Variants in AFTPH observed in about 807,000 individuals in gnomAD.
The protein encoded by AFTPH is aftiphilin.
A neutral mutation model predicts 72.5 loss-of-function variants in AFTPH; 7 were observed. The observed-to-expected ratio is 0.10, with a 90% CI of 0.05 to 0.18. The LOEUF is 0.18. AFTPH is among the 10% of genes least tolerant of loss of function. The pLI, the probability that AFTPH is intolerant of heterozygous loss-of-function variation, is 1.00. For synonymous variants in AFTPH, 337 were observed against 370.1 expected (o/e 0.91, Z 1.03); for missense variants, 979 against 1,060.5 (o/e 0.92, Z 1.07).
chr2:64,569,108 T>A, exon 4 of AFTPH: 1 of 1,614,086 alleles, frequency 6.2e-7, no homozygotes, highest in Non-Finnish European at 8.5e-7. Flanking sequence ...GCTAGATGTG[T>A]GGACTGAGCT....
In AFTPH at chr2:64,575,813, A is replaced by ACTGC. The variant is rs1482156142; in HGVS notation, c.2394+2746_2394+2749dup. On this transcript the variant is annotated intron_variant, in intron 6 of 8. Coordinates refer to ENST00000238856, the Ensembl canonical transcript of AFTPH. ...GAGTGCAGTGGCATGGTTTCAGCTC[A>ACTGC]CTGCAACCTCCACCTCCCGGGTTCA... Among the ~76,000 whole-genome samples the ACTGC allele has an allele frequency of 2.7e-5, 4 of 150,378 alleles. No homozygotes were observed. In the East Asian group the frequency reaches 8.0e-4, roughly 30 times the overall value.
chr2:64,550,728 C>CACACACACAA (rs1558605092), intron 1 of AFTPH, among the ~76,000 whole-genome samples: 2 of 141,888 alleles, frequency 1.4e-5, no homozygotes, highest in African/African-American at 2.7e-5. Flanking sequence ...CACACACACA[C>CACACACACAA]ACAACTGGTG....
intron 1 of AFTPH, among the ~76,000 whole-genome samples, chr2:64,526,091 G>T (rs1041400599): frequency 3.9e-5 from 6 of 152,144 alleles, no homozygotes; most frequent in African/African-American, 1.4e-4. Context: ...TTTAATGTTT[G>T]CTGATCTTTT....
intron 2 of AFTPH, among the ~76,000 whole-genome samples, chr2:64,561,880 T>C (rs2103998892): frequency 6.6e-6 from 1 of 152,328 alleles, no homozygotes; most frequent in East Asian, 1.9e-4. Flanking sequence ...ATGAAATCAT[T>C]TGCTTTAAGC....
chr2:64,550,963 G>C (rs1671009195), intron 1 of AFTPH, among the ~76,000 whole-genome samples: 2 of 152,070 alleles, frequency 1.3e-5, no homozygotes, highest in African/African-American at 4.8e-5. Flanking sequence ...ACATTGAAAA[G>C]CCAAGTGAAG....
chr2:64,536,003 G>A (rs1458782097), intron 1 of AFTPH, among the ~76,000 whole-genome samples: 1 of 152,228 alleles, frequency 6.6e-6, no homozygotes, highest in Non-Finnish European at 1.5e-5. Context: ...TTAATTTGTG[G>A]TAGAGGGGGA....
At chr2:64,577,611 C>CTGATCTAGAAG (rs1558628413) in intron 6 of AFTPH, among the ~76,000 whole-genome samples, 1 of 152,186 alleles carries the variant, frequency 6.6e-6, no homozygotes, top group East Asian at 1.9e-4. Context: ...AAAGGTGTCA[C>CTGATCTAGAAG]TGATCTAGAA....
intron 8 of AFTPH, among the ~76,000 whole-genome samples, chr2:64,587,942 TTC>T (rs72324777): frequency 0.03 from 4,590 of 152,290 alleles, 175 homozygotes; most frequent in East Asian, 0.11. Context: ...AGAAATTTTA[TTC>T]TTTTTTAGGC....
At chr2:64,530,362 T>C (rs7571448) in intron 1 of AFTPH, among the ~76,000 whole-genome samples, 62,637 of 152,008 alleles carry the variant, frequency 0.41, 13,126 homozygotes, top group African/African-American at 0.5. Flanking sequence ...CACCCAAAAA[T>C]GTCCCCTGGC....
intron 6 of AFTPH, 143 bp downstream of exon 6, chr2:64,573,211 T>A: frequency 1.5e-6 from 1 of 676,956 alleles, no homozygotes; most frequent in Non-Finnish European, 2.5e-6. Context: ...TTTGATTAAT[T>A]AACATCCCTT....
At chr2:64,525,783 C>G (rs1254349341) in intron 1 of AFTPH, among the ~76,000 whole-genome samples, 1 of 152,112 alleles carries the variant, frequency 6.6e-6, no homozygotes. Context: ...TAAATGTTGG[C>G]TTTTTTAGTA....
intron 2 of AFTPH, among the ~76,000 whole-genome samples, chr2:64,562,461 A>G (rs1049998938): frequency 9.2e-5 from 14 of 152,074 alleles, no homozygotes; most frequent in African/African-American, 3.4e-4. Context: ...TTAGAAATTG[A>G]ACTTAGAACT....
chr2:64,578,001 C>T (rs1445337598), intron 6 of AFTPH, among the ~76,000 whole-genome samples: 1 of 152,114 alleles, frequency 6.6e-6, no homozygotes. Context: ...TAAGAACACC[C>T]TTAATAGTCA....
chr2:64,587,570 C>A (rs6730999), intron 8 of AFTPH, among the ~76,000 whole-genome samples: 30,751 of 152,042 alleles, frequency 0.2, 4,427 homozygotes, highest in African/African-American at 0.41. Context: ...TTGGCTATTG[C>A]CAATAAGCAG....
At chr2:64,563,884 G>A (rs1205911029) in intron 2 of AFTPH, among the ~76,000 whole-genome samples, 14 of 152,182 alleles carry the variant, frequency 9.2e-5, no homozygotes, top group Admixed American at 9.2e-4. Context: ...GGAATTACAG[G>A]CATGAGCCAC....
chr2:64,585,277 A>G (rs1673439271), intron 7 of AFTPH, 145 bp from the exon 9 acceptor site: 7 of 940,304 alleles, frequency 7.4e-6, no homozygotes, highest in African/African-American at 1.7e-5. Context: ...TAAAAAATAA[A>G]TGCAGTATTG....
chr2:64,526,989 C>T (rs1449147757), intron 1 of AFTPH, among the ~76,000 whole-genome samples: 4 of 152,152 alleles, frequency 2.6e-5, no homozygotes, highest in Non-Finnish European at 5.9e-5. Flanking sequence ...TATATAGTCT[C>T]ATGCAAAACT....
intron 1 of AFTPH, among the ~76,000 whole-genome samples, chr2:64,547,864 C>A (rs1157441434): frequency 6.6e-6 from 1 of 152,076 alleles, no homozygotes; most frequent in Non-Finnish European, 1.5e-5. Context: ...CAGCTCACTG[C>A]AGCCTTGACT....
At chr2:64,556,673 T>G (rs1453173552) in intron 2 of AFTPH, among the ~76,000 whole-genome samples, 1 of 152,206 alleles carries the variant, frequency 6.6e-6, no homozygotes, top group African/African-American at 2.4e-5. Context: ...AATAAATATG[T>G]CTTCGTTGGG....
Sources: gnomAD v4.1 joint callset for allele counts (sites outside exome capture counted in the v4.1 genomes callset) on GRCh38, gnomAD v4.1.1 for gene constraint, MANE v1.5 for transcripts, NCBI Gene and HGNC (gene_info 2026-07-23, HGNC 2026-07-21) for gene names.